CLPB: variants seen among roughly 807,000 people sequenced by gnomAD.
CLPB encodes the protein ClpB family mitochondrial disaggregase.
A neutral mutation model predicts 78.4 loss-of-function variants in CLPB; 40 were observed. The ratio of observed to expected loss-of-function variants is 0.51; its 90% CI spans 0.40 to 0.66. The LOEUF (loss-of-function observed/expected upper bound fraction) is 0.66, where lower values mean the gene tolerates loss of function less well. Among genes scored for constraint, CLPB ranks in the 30% least tolerant of loss-of-function variants. The pLI, the probability that CLPB is intolerant of heterozygous loss-of-function variation, is 0.00. For synonymous variants in CLPB, 333 were observed against 348.0 expected, an observed-to-expected ratio of 0.96 and a Z score of 0.48; for missense variants, 780 against 886.9, an observed-to-expected ratio of 0.88 and a Z score of 1.53.
At chr11:72,314,248 T>A (rs1178467819) in intron 7 of CLPB, among the ~76,000 whole-genome samples, 1 of 152,134 alleles carries the variant, frequency 6.6e-6, no homozygotes, top group Non-Finnish European at 1.5e-5. Flanking sequence ...CAACCGGGAC[T>A]AGGTGGACGG....
At chr11:72,416,735 CAAAAAAAAAAAAAA>C in intron 2 of CLPB, among the ~76,000 whole-genome samples, 1 of 50,682 alleles carries the variant, frequency 2.0e-5, no homozygotes, top group South Asian at 6.7e-4. Flanking sequence ...GACTCCGTCT[CAAAAAAAAAAAAAA>C]AAAAAAGAAA....
At chr11:72,349,427 C>T (rs1950573365) in intron 5 of CLPB, among the ~76,000 whole-genome samples, 1 of 152,216 alleles carries the variant, frequency 6.6e-6, no homozygotes, top group South Asian at 2.1e-4. Context: ...TAGAGAACAT[C>T]CCTGCTGTGT....
chr11:72,424,711 C>G (rs930612193), intron 2 of CLPB, among the ~76,000 whole-genome samples: 11 of 152,126 alleles, frequency 7.2e-5, no homozygotes, highest in African/African-American at 2.4e-4. Flanking sequence ...ATGGTGAAAC[C>G]CTGTCTCTTT....
chr11:72,301,175 TA>T (rs1949648836), intron 11 of CLPB, among the ~76,000 whole-genome samples: 1 of 152,166 alleles, frequency 6.6e-6, no homozygotes, highest in African/African-American at 2.4e-5. Context: ...ACACAGAAGG[TA>T]CTGGATAGAA....
At chr11:72,302,406 G>A in intron 9 of CLPB, 58 bp from the exon 10 acceptor site, 1 of 1,500,756 alleles carries the variant, frequency 6.7e-7, no homozygotes, top group South Asian at 1.1e-5. Context: ...GAAGAGAAGG[G>A]TTAGGGAGGA....
intron 9 of CLPB, 138 bp from the exon 10 acceptor site, chr11:72,302,486 GT>G (rs1478275045): frequency 6.7e-6 from 5 of 745,706 alleles, no homozygotes; most frequent in Middle Eastern, 2.3e-4. Flanking sequence ...CGCTCAAGAT[GT>G]TTTTTTCTGA....
At chr11:72,346,855 C>A (rs1433833557) in intron 5 of CLPB, among the ~76,000 whole-genome samples, 6 of 151,682 alleles carry the variant, frequency 4.0e-5, no homozygotes, top group African/African-American at 1.5e-4. Context: ...GTGGTGGGCA[C>A]CTGTAATCCC....
chr11:72,308,476 C>T (rs764651098), intron 8 of CLPB, 51 bp downstream of exon 8: 13 of 1,538,112 alleles, frequency 8.5e-6, no homozygotes, highest in Admixed American at 3.3e-5. Context: ...AGACTTGGGC[C>T]GGGCACTACC....
chr11:72,402,031 C>T (rs1482327655), intron 3 of CLPB, among the ~76,000 whole-genome samples: 1 of 151,754 alleles, frequency 6.6e-6, no homozygotes, highest in Non-Finnish European at 1.5e-5. Context: ...GCTGAGGGTG[C>T]AGGAGCACTT....
intron 4 of CLPB, among the ~76,000 whole-genome samples, chr11:72,365,496 G>A (rs1950925775): frequency 6.6e-6 from 1 of 152,128 alleles, no homozygotes; most frequent in Non-Finnish European, 1.5e-5. Context: ...AAAACTGATT[G>A]TCATAATAGT....
At chr11:72,338,823 C>T (rs888133938) in intron 5 of CLPB, among the ~76,000 whole-genome samples, 3 of 152,232 alleles carry the variant, frequency 2.0e-5, no homozygotes, top group Non-Finnish European at 4.4e-5. Context: ...TCATGCCAGA[C>T]TAACCTCTCC....
intron 2 of CLPB, among the ~76,000 whole-genome samples, chr11:72,429,985 G>A (rs946123949): frequency 1.3e-5 from 2 of 152,168 alleles, no homozygotes; most frequent in Admixed American, 1.3e-4. Flanking sequence ...GTAATACATG[G>A]CCATTCCCAA....
At chr11:72,420,007 T>C (rs1292107552) in intron 2 of CLPB, among the ~76,000 whole-genome samples, 2 of 152,342 alleles carry the variant, frequency 1.3e-5, no homozygotes, top group East Asian at 3.9e-4. Flanking sequence ...TACAGGTTTA[T>C]TATGACTGTA....
At chr11:72,349,911 C>T (rs1355861278) in intron 5 of CLPB, among the ~76,000 whole-genome samples, 1 of 152,246 alleles carries the variant, frequency 6.6e-6, no homozygotes, top group African/African-American at 2.4e-5. Flanking sequence ...TGGCCTCCAG[C>T]TGCCACTACT....
intron 6 of CLPB, among the ~76,000 whole-genome samples, chr11:72,327,377 C>G (rs1272102719): frequency 6.6e-6 from 1 of 152,200 alleles, no homozygotes; most frequent in East Asian, 1.9e-4. Flanking sequence ...AGATCAATGT[C>G]TACTTCGAAT....
chr11:72,324,236 T>C (rs1950094314), intron 6 of CLPB, among the ~76,000 whole-genome samples: 1 of 152,112 alleles, frequency 6.6e-6, no homozygotes, highest in South Asian at 2.1e-4. Context: ...CTGATATGTG[T>C]ATCTTATACA....
intron 6 of CLPB, among the ~76,000 whole-genome samples, chr11:72,318,772 C>T (rs550602320): frequency 9.9e-5 from 15 of 152,164 alleles, no homozygotes; most frequent in Non-Finnish European, 1.6e-4. Flanking sequence ...AGCAATAATT[C>T]GGCGCCAATC....
In CLPB at chr11:72,312,112, A is replaced by G. The variant is rs1949858608; in HGVS notation, c.989-3508T>C. Among the ~76,000 whole-genome samples, 1 of 152,192 alleles carries G rather than the reference A, an allele frequency of 6.6e-6. No individual in the cohort carries two copies. Among genetic ancestry groups the G allele is most frequent in the East Asian group, 1.9e-4 (1 of 5,198 alleles). On this transcript the variant is annotated intron_variant, in intron 7 of 15. Transcript: ENST00000538039. This position sits in a 1 kb window ranked among gnomAD's most constrained non-coding sequence, Gnocchi z 4.2. ...CTTACCAGCTGACTGACTTTAAATAAAACACTTATTCCTTTAGAGCCTCCG... is the reference window on the plus strand; with the variant it reads ...CTTACCAGCTGACTGACTTTAAATAGAACACTTATTCCTTTAGAGCCTCCG...
intron 3 of CLPB, among the ~76,000 whole-genome samples, chr11:72,401,702 G>T (rs1326791492): frequency 6.6e-6 from 1 of 152,202 alleles, no homozygotes; most frequent in Non-Finnish European, 1.5e-5. Flanking sequence ...ACACCTACTT[G>T]CAGAAAGAAC....
Sources: allele counts gnomAD v4.1 joint callset (sites outside exome capture counted in the v4.1 genomes callset), GRCh38; gene constraint gnomAD v4.1.1; non-coding constraint Gnocchi (gnomAD v3.1); transcripts MANE v1.5; gene names NCBI Gene and HGNC (gene_info 2026-07-23, HGNC 2026-07-21).